Variants in PDE4B observed in about 807,000 individuals in gnomAD.
The protein encoded by PDE4B is 3',5'-cyclic-AMP phosphodiesterase 4B.
PDE4B carries 20 observed loss-of-function variants against 82.2 expected under a neutral mutation model. That is an observed-to-expected ratio of 0.24 (90% CI 0.17 to 0.35). The LOEUF (loss-of-function observed/expected upper bound fraction) is 0.35, where lower values mean the gene tolerates loss of function less well. PDE4B is among the 10% of genes least tolerant of loss of function. The pLI is 1.00. For missense variants in PDE4B, 655 were observed against 907.2 expected (o/e 0.72, Z 3.57); for synonymous variants, 320 against 318.9 (o/e 1.00, Z -0.04).
intron 4 of PDE4B, among the ~76,000 whole-genome samples, chr1:66,257,031 A>C (rs1329193654): frequency 6.6e-6 from 1 of 152,216 alleles, no homozygotes; most frequent in African/African-American, 2.4e-5. Context: ...GGTACAGCTT[A>C]ATCTGTTCTT....
chr1:66,133,451 TC>T (rs1645993670), intron 3 of PDE4B, among the ~76,000 whole-genome samples: 1 of 152,180 alleles, frequency 6.6e-6, no homozygotes, highest in Admixed American at 6.5e-5. Flanking sequence ...TGTCTCCGAG[TC>T]CTATTTTGCT....
At chr1:66,253,907 C>T (rs541571564) in intron 4 of PDE4B, among the ~76,000 whole-genome samples, 4 of 152,274 alleles carry the variant, frequency 2.6e-5, no homozygotes, top group African/African-American at 9.6e-5. Context: ...TCCTAAACTT[C>T]AAAAGTTCCA....
chr1:66,020,253 A>T lies in PDE4B; in HGVS notation c.281+101418A>T, dbSNP rs535017346. 1.3e-5 allele frequency among the ~76,000 whole-genome samples: 2 copies of T among 152,324 alleles called. 1 individual carries two copies. The highest frequency in any genetic ancestry group is 4.1e-4 in the South Asian group (2 of 4,824). ...GATTAAGGCAGGTGTCTGGCATAAA[A>T]ATAGTGAACGTTAGGAAGGTAGGAT... On this transcript the variant is annotated intron_variant, in intron 3 of 16. Transcript: ENST00000341517.
chr1:65,823,064 A>G (rs1380452416), intron 1 of PDE4B, among the ~76,000 whole-genome samples: 1 of 151,930 alleles, frequency 6.6e-6, no homozygotes, highest in Non-Finnish European at 1.5e-5. Context: ...CTTCTGAAAA[A>G]TTCTTATTCT....
At chr1:66,248,478 C>T (rs1653497943) in intron 4 of PDE4B, among the ~76,000 whole-genome samples, 1 of 152,196 alleles carries the variant, frequency 6.6e-6, no homozygotes, top group Non-Finnish European at 1.5e-5. Flanking sequence ...ATTTCACCCT[C>T]TGGTGAAAGG....
intron 3 of PDE4B, among the ~76,000 whole-genome samples, chr1:66,000,186 G>A (rs1219184800): frequency 2.0e-5 from 3 of 152,154 alleles, no homozygotes; most frequent in Non-Finnish European, 2.9e-5. Flanking sequence ...AGCATGGTTG[G>A]TGCATCAGCT....
At chr1:65,841,360 G>A (rs1646205436) in intron 1 of PDE4B, among the ~76,000 whole-genome samples, 1 of 147,312 alleles carries the variant, frequency 6.8e-6, no homozygotes, top group African/African-American at 2.5e-5. Flanking sequence ...GAAAGAAAGA[G>A]AGAGAAAGGG....
intron 6 of PDE4B, among the ~76,000 whole-genome samples, chr1:66,260,697 C>G (rs1471118523): frequency 6.6e-6 from 1 of 152,106 alleles, no homozygotes; most frequent in Non-Finnish European, 1.5e-5. Context: ...TTCAGCCCAA[C>G]CCTGCTGATT....
chr1:66,206,123 T>A (rs2101557586), intron 3 of PDE4B, among the ~76,000 whole-genome samples: 1 of 152,314 alleles, frequency 6.6e-6, no homozygotes, highest in South Asian at 2.1e-4. Context: ...CCTCAGAACC[T>A]GTACTGCTCC....
At chr1:66,329,846 T>C (rs932140655) in intron 7 of PDE4B, among the ~76,000 whole-genome samples, 1 of 152,238 alleles carries the variant, frequency 6.6e-6, no homozygotes, top group African/African-American at 2.4e-5. Flanking sequence ...GTGCTTTTTT[T>C]CACAGTGCTA....
At chr1:65,975,193 A>G (rs1650343556) in intron 3 of PDE4B, among the ~76,000 whole-genome samples, 1 of 152,214 alleles carries the variant, frequency 6.6e-6, no homozygotes, top group Non-Finnish European at 1.5e-5. Flanking sequence ...ACTGGAGTAA[A>G]GTTGACTCTT....
chr1:65,922,158 C>A (rs1214414240), intron 3 of PDE4B, among the ~76,000 whole-genome samples: 1 of 152,092 alleles, frequency 6.6e-6, no homozygotes, highest in Non-Finnish European at 1.5e-5. Context: ...CATTTTGTAG[C>A]CTTTCAGATG....
chr1:66,060,741 G>C (rs911602071), intron 3 of PDE4B, among the ~76,000 whole-genome samples: 1 of 152,040 alleles, frequency 6.6e-6, no homozygotes, highest in East Asian at 1.9e-4. Context: ...ATTTCAGTTG[G>C]ACAGTGCTGT....
At chr1:65,988,771 T>C (rs1331564348) in intron 3 of PDE4B, among the ~76,000 whole-genome samples, 2 of 152,148 alleles carry the variant, frequency 1.3e-5, no homozygotes, top group Non-Finnish European at 2.9e-5. Context: ...AGGTATAATA[T>C]TATTGTATAC....
intron 3 of PDE4B, among the ~76,000 whole-genome samples, chr1:66,105,372 G>A (rs578042914): frequency 1.2e-4 from 18 of 151,962 alleles, no homozygotes; most frequent in East Asian, 1.2e-3. Context: ...GTCAGGTAGC[G>A]TGATGCCTCC....
At chr1:66,115,118 C>T (rs1645569785) in intron 3 of PDE4B, among the ~76,000 whole-genome samples, 1 of 152,056 alleles carries the variant, frequency 6.6e-6, no homozygotes, top group African/African-American at 2.4e-5. Flanking sequence ...CCTAAATGAC[C>T]ATTGGTAATA....
chr1:66,001,116 A>G (rs1569935681), intron 3 of PDE4B, among the ~76,000 whole-genome samples: 1 of 152,210 alleles, frequency 6.6e-6, no homozygotes, highest in African/African-American at 2.4e-5. Flanking sequence ...CAGATAATTT[A>G]TAATATTAAA....
chr1:66,108,345 C>G (rs1192851538), intron 3 of PDE4B, among the ~76,000 whole-genome samples: 2 of 151,890 alleles, frequency 1.3e-5, no homozygotes, highest in Non-Finnish European at 2.9e-5. Flanking sequence ...GACTGTGAAA[C>G]TACTAGAAGA....
intron 3 of PDE4B, among the ~76,000 whole-genome samples, chr1:65,924,276 G>C (rs1039636213): frequency 6.8e-6 from 1 of 148,048 alleles, no homozygotes; most frequent in Admixed American, 6.7e-5. Context: ...GGGTTTCACT[G>C]TTTTAGCCGG....
Sources: allele counts gnomAD v4.1 joint callset (sites outside exome capture counted in the v4.1 genomes callset), GRCh38; gene constraint gnomAD v4.1.1; transcripts MANE v1.5; gene names NCBI Gene and HGNC (gene_info 2026-07-23, HGNC 2026-07-21).